Variants in NUP160 observed in about 807,000 individuals in gnomAD.
NUP160 encodes nucleoporin 160, also known as nuclear pore complex protein Nup160.
In NUP160, 94 loss-of-function variants were observed where a neutral mutation model predicts 196.9. That is an observed-to-expected ratio of 0.48 (90% CI 0.40 to 0.57). The LOEUF (loss-of-function observed/expected upper bound fraction) is 0.57. Ranked by LOEUF, NUP160 falls within the 20% of genes least tolerant of loss-of-function variation. The pLI is 0.00. For synonymous variants in NUP160, 605 were observed against 619.7 expected, an observed-to-expected ratio of 0.98 and a Z score of 0.35; for missense variants, 1,638 against 1,748.3, an observed-to-expected ratio of 0.94 and a Z score of 1.13.
rs1565214060 is a variant in NUP160, at chr11:47,848,346, G to A, written c.75C>T (p.Ser25=). Residue 25 remains serine, a synonymous_variant, in exon 1 of 36, where the codon TCC becomes TCT. Coordinates refer to ENST00000378460, the Ensembl canonical transcript of NUP160. ...TCCCGCCGTCGCCGCGACGCCCAACGGAACAAAGGCAGGGCCGCGCGGTCG... is the reference window on the plus strand; with the variant it reads ...TCCCGCCGTCGCCGCGACGCCCAACAGAACAAAGGCAGGGCCGCGCGGTCG... 9.3e-6 allele frequency: 15 copies of A among 1,613,276 alleles called. No homozygotes were observed. Among genetic ancestry groups the A allele is most frequent in the Admixed American group, 3.3e-5 (2 of 59,980 alleles).
At chr11:47,847,648 TGG>T (rs56283744) in intron 2 of NUP160, among the ~76,000 whole-genome samples, 198 bp downstream of exon 2, 2,114 of 77,504 alleles carry the variant, frequency 0.027, 16 homozygotes, top group African/African-American at 0.056. Context: ...TGTGTGGGGG[TGG>T]GGGGGGGGAG....
At chr11:47,780,470 A>T in intron 34 of NUP160, 23 bp from the exon 35 acceptor site, 2 of 1,499,940 alleles carry the variant, frequency 1.3e-6, no homozygotes, top group Non-Finnish European at 1.9e-6. Flanking sequence ...TGTTTATTTG[A>T]AAACAGTCTG....
At chr11:47,786,978 C>CG (rs764028475) in intron 31 of NUP160, 1 of 171,998 alleles carries the variant, frequency 5.8e-6, no homozygotes, top group Non-Finnish European at 1.3e-5. Context: ...TTAGTAGAGA[C>CG]GGGGTTTCAC....
chr11:47,790,644 T>C (rs1004319969), intron 29 of NUP160, among the ~76,000 whole-genome samples: 2 of 152,120 alleles, frequency 1.3e-5, no homozygotes, highest in Non-Finnish European at 2.9e-5. Context: ...GTCCCAGCAC[T>C]GTGGGAGTCC....
At chr11:47,818,605 G>A (rs1002169814) in intron 10 of NUP160, among the ~76,000 whole-genome samples, 1 of 151,970 alleles carries the variant, frequency 6.6e-6, no homozygotes, top group Non-Finnish European at 1.5e-5. Flanking sequence ...ATGAAGTAGA[G>A]AGAACAACAT....
At chr11:47,805,074 C>T (rs1467862007) in intron 20 of NUP160, among the ~76,000 whole-genome samples, 1 of 152,072 alleles carries the variant, frequency 6.6e-6, no homozygotes, top group Non-Finnish European at 1.5e-5. Flanking sequence ...AGTGGACATC[C>T]AGCACATAAC....
intron 3 of NUP160, 46 bp downstream of exon 3, chr11:47,840,332 C>A: frequency 6.7e-7 from 1 of 1,498,226 alleles, no homozygotes; most frequent in Non-Finnish European, 9.3e-7. Flanking sequence ...TTTGTGACAC[C>A]CAGAGTAATT....
At chr11:47,798,575 C>T (rs2097672260) in intron 23 of NUP160, 112 bp from the exon 24 acceptor site, 1 of 654,704 alleles carries the variant, frequency 1.5e-6, no homozygotes, top group Non-Finnish European at 2.7e-6. Context: ...TGGTGGCTCA[C>T]ACCTCCAATC....
At chr11:47,815,698 T>A in intron 12 of NUP160, 49 bp from the exon 13 acceptor site, 2 of 1,459,012 alleles carry the variant, frequency 1.4e-6, no homozygotes, top group Non-Finnish European at 1.9e-6. Flanking sequence ...CCATTCAGGA[T>A]CTTTGTCCAC....
At chr11:47,813,664 TA>T (rs1233490191) in intron 13 of NUP160, among the ~76,000 whole-genome samples, 118 of 142,006 alleles carry the variant, frequency 8.3e-4, no homozygotes, top group Admixed American at 7.8e-4. Context: ...ACCCCATCTC[TA>T]AAAAAAAAAA....
chr11:47,782,355 T>A (rs7935273), intron 34 of NUP160, among the ~76,000 whole-genome samples: 4 of 108,678 alleles, frequency 3.7e-5, no homozygotes, highest in Non-Finnish European at 3.6e-5. Flanking sequence ...TATATATATA[T>A]ATGCGCCTAT....
intron 2 of NUP160, among the ~76,000 whole-genome samples, chr11:47,844,926 G>A (rs1051753165): frequency 2.6e-5 from 4 of 152,112 alleles, no homozygotes; most frequent in African/African-American, 4.8e-5. Flanking sequence ...CCAAAATGGC[G>A]ACAAGGGTGA....
intron 21 of NUP160, 65 bp from the exon 22 acceptor site, chr11:47,803,601 C>G: frequency 1.2e-6 from 1 of 853,114 alleles, no homozygotes; most frequent in Non-Finnish European, 2.0e-6. Context: ...TACTCATTCC[C>G]AAGTTATTCG....
chr11:47,826,025 G>GA (rs997328703), intron 7 of NUP160, among the ~76,000 whole-genome samples: 8 of 151,880 alleles, frequency 5.3e-5, no homozygotes, highest in African/African-American at 1.5e-4. Flanking sequence ...TATGAAATAT[G>GA]AAAAAAAATA....
At position 47,844,580 on chromosome 11, in the gene NUP160, TTTC is replaced by T. The variant is rs753435344; in HGVS notation, c.314+3265_314+3267del. 5.3e-5 allele frequency among the ~76,000 whole-genome samples: 8 copies of T among 152,280 alleles called. No homozygotes were observed. In the East Asian group the frequency reaches 1.5e-3, roughly 29 times the overall value. On this transcript the variant is annotated intron_variant, in intron 2 of 35. Transcript: ENST00000378460. ...TGAAATACTCATTCCCCAGATATCC[TTTC>T]TTCTGCTCAAATGTCAGCTTACCCC...
chr11:47,824,012 T>TATGC (rs1565203353), intron 7 of NUP160, among the ~76,000 whole-genome samples: 1 of 21,396 alleles, frequency 4.7e-5, no homozygotes, highest in Admixed American at 3.8e-4. Flanking sequence ...CTTTTGCATA[T>TATGC]ATATATATAT....
exon 13 of NUP160, chr11:47,815,629 C>A (rs757143652): frequency 4.4e-6 from 7 of 1,595,852 alleles, no homozygotes; most frequent in Non-Finnish European, 6.0e-6. Flanking sequence ...AGAATTCATA[C>A]TCTGTTACAC....
At chr11:47,788,571 C>T (rs770432216) in exon 30 of NUP160, 1 of 1,613,988 alleles carries the variant, frequency 6.2e-7, no homozygotes, top group African/African-American at 1.3e-5. Context: ...AACACTCTTT[C>T]TCCAGATCTT....
exon 22 of NUP160, chr11:47,803,507 A>G (rs1354178033): frequency 1.9e-6 from 3 of 1,611,138 alleles, no homozygotes; most frequent in Non-Finnish European, 2.5e-6. Context: ...CATTGACTTG[A>G]CACCAGGGAT....
Sources: gnomAD v4.1 joint callset for allele counts (sites outside exome capture counted in the v4.1 genomes callset) on GRCh38, gnomAD v4.1.1 for gene constraint, MANE v1.5 for transcripts, NCBI Gene and HGNC (gene_info 2026-07-23, HGNC 2026-07-21) for gene names.